Variants in IRAG2 observed in about 807,000 individuals in gnomAD.
The protein encoded by IRAG2 is inositol 1,4,5-triphosphate receptor associated 2.
Under a neutral mutation model 69.9 loss-of-function variants are expected in IRAG2, and 45 were observed. The ratio of observed to expected loss-of-function variants is 0.64; its 90% CI spans 0.51 to 0.83. IRAG2 has a LOEUF of 0.83. IRAG2 is among the 40% of genes least tolerant of loss of function. IRAG2 has a pLI of 0.00. For synonymous variants in IRAG2, 193 were observed against 202.4 expected (o/e 0.95, Z 0.40); for missense variants, 520 against 587.0 (o/e 0.89, Z 1.18).
chr12:25,075,891 A>G (rs1486344474), intron 6 of IRAG2: 2 of 151,854 alleles, frequency 1.3e-5, no homozygotes, highest in Non-Finnish European at 2.9e-5. Flanking sequence ...CTTTCTCATG[A>G]TCTGTCCAGG....
At chr12:25,004,598 T>C (rs1944416826) in exon 1 of IRAG2, 2 of 1,232,136 alleles carry the variant, frequency 1.6e-6, no homozygotes, top group East Asian at 3.2e-5. Context: ...GATGCCTTCA[T>C]TTCATCGCCT....
intron 12 of IRAG2, among the ~76,000 whole-genome samples, chr12:25,033,407 T>C (rs1944683060): frequency 6.6e-6 from 1 of 152,202 alleles, no homozygotes; most frequent in Non-Finnish European, 1.5e-5. Context: ...TGAGTAAAGC[T>C]AATGGAATAT....
exon 1 of IRAG2, chr12:25,004,558 G>A (rs1944416594): frequency 1.6e-5 from 20 of 1,231,968 alleles, no homozygotes; most frequent in Non-Finnish European, 1.8e-5. Context: ...TCCTACGCCC[G>A]GCTCTCATTG....
At chr12:25,065,470 A>G (rs1312176661) in intron 4 of IRAG2, among the ~76,000 whole-genome samples, 1 of 152,178 alleles carries the variant, frequency 6.6e-6, no homozygotes, top group African/African-American at 2.4e-5. Flanking sequence ...CTAATAAATG[A>G]TTTGTGATCT....
At chr12:25,066,290 G>C (rs1293323153) in intron 4 of IRAG2, 75 bp from the exon 5 acceptor site, 1 of 399,138 alleles carries the variant, frequency 2.5e-6, no homozygotes, top group Non-Finnish European at 4.4e-6. Context: ...CTCTCAAGAA[G>C]GAAAGACTTT....
In IRAG2 at chr12:25,107,796, CTATT is replaced by C; in HGVS notation, c.1257-19_1257-16del. The C allele has an allele frequency of 6.3e-7, 1 of 1,599,408 alleles. No individual in the cohort carries two copies. The stretch of plus-strand genomic sequence containing the variant: ...ATGACAAATTACCGATTACCAAATT[CTATT>C]TGTGTTTTCCTTATAGTTATGACAC... On this transcript the variant is annotated splice_polypyrimidine_tract_variant and intron_variant, in intron 21 of 21. Transcript: ENST00000556887.
chr12:25,032,194 T>C (rs931692960), exon 11 of IRAG2: 1 of 398,916 alleles, frequency 2.5e-6, no homozygotes, highest in Non-Finnish European at 4.4e-6. Context: ...TATGGAAGCA[T>C]TATAGAGGTA....
intron 9 of IRAG2, among the ~76,000 whole-genome samples, chr12:25,080,883 G>A (rs1320847893): frequency 6.6e-6 from 1 of 152,082 alleles, no homozygotes; most frequent in Non-Finnish European, 1.5e-5. Flanking sequence ...ACACTCTGTT[G>A]GTAAAGTTGT....
At chr12:25,057,226 AG>A (rs1196481299) in intron 1 of IRAG2, among the ~76,000 whole-genome samples, 1 of 144,510 alleles carries the variant, frequency 6.9e-6, no homozygotes, top group Non-Finnish European at 1.5e-5. Flanking sequence ...ACAGATAGGT[AG>A]GTAGGTAGGT....
At chr12:25,027,678 G>A (rs1565529384) in intron 9 of IRAG2, among the ~76,000 whole-genome samples, 1 of 152,116 alleles carries the variant, frequency 6.6e-6, no homozygotes, top group East Asian at 1.9e-4. Flanking sequence ...ACGGGCATGA[G>A]CCACTGCACC....
chr12:25,089,734 T>C lies in IRAG2; in HGVS notation c.438-29T>C, dbSNP rs368052742. The C allele has an allele frequency of 1.9e-6, 3 of 1,612,894 alleles. No individual in the cohort carries two copies. The African/African-American group carries it at 4.0e-5, about 22-fold the overall frequency. ...GTTTTATTTTTCTGTTGGATTATGT[T>C]TAAATATGTTTTTTGTCTTATCCTA... is the stretch of plus-strand genomic sequence containing the variant. On this transcript the variant is annotated intron_variant, in intron 12 of 21. Coordinates refer to ENST00000556887, the MANE Select transcript of IRAG2 (RefSeq NM_001366544.2).
chr12:25,023,891 G>A lies in IRAG2; in HGVS notation c.1353G>A (p.Leu451=), dbSNP rs550934262. 71 of 1,228,220 alleles carry A rather than the reference G, an allele frequency of 5.8e-5. No homozygotes were observed. In the African/African-American group the frequency reaches 1.1e-3, roughly 19 times the overall value. The allele number at this position is 1,228,220 out of a possible 1,614,324, so 76.1% of individuals were successfully genotyped here. A position where few individuals can be genotyped will look rare whatever the true frequency, so the allele number is the denominator to read the frequency against. ...ATTAGGAGACAGAAAACCGGGCTCTGATTCTTAAGATTCGGATTCTACAGG... is the reference window on the plus strand; with the variant it reads ...ATTAGGAGACAGAAAACCGGGCTCTAATTCTTAAGATTCGGATTCTACAGG... The change falls in exon 8 of 39, where the codon CTG becomes CTA. Residue 451 remains leucine, a synonymous_variant. Coordinates refer to the IRAG2 transcript ENST00000636465.
At chr12:25,008,981 C>T (rs61912233) in intron 2 of IRAG2, among the ~76,000 whole-genome samples, 2,416 of 152,186 alleles carry the variant, frequency 0.016, 32 homozygotes, top group Middle Eastern at 0.027. Flanking sequence ...CAATCCATGT[C>T]AATTGGATAT....
intron 6 of IRAG2, among the ~76,000 whole-genome samples, chr12:25,018,761 G>T (rs1236011869): frequency 1.3e-5 from 2 of 152,222 alleles, no homozygotes; most frequent in African/African-American, 2.4e-5. Context: ...AAATATATCA[G>T]AAAGGAATTA....
rs540974070 is a variant in IRAG2, at chr12:25,060,931, G to T, written c.-446-661G>T. The stretch of plus-strand genomic sequence containing the variant: ...GATCCACCCACCTTGGTCTCTCAAA[G>T]AGCTGAAATTAGAGGTGTGAGCCAC... On this transcript the variant is annotated intron_variant, in intron 1 of 21. Coordinates refer to ENST00000556887, the MANE Select transcript of IRAG2 (RefSeq NM_001366544.2). Among the ~76,000 whole-genome samples the T allele has an allele frequency of 5.9e-5, 9 of 152,076 alleles. No individual in the cohort carries two copies. The South Asian group carries it at 1.9e-3, about 32-fold the overall frequency.
chr12:25,077,084 G>T (rs1352051553), intron 6 of IRAG2, among the ~76,000 whole-genome samples: 1 of 148,746 alleles, frequency 6.7e-6, no homozygotes, highest in Non-Finnish European at 1.5e-5. Flanking sequence ...GCTCATGTTG[G>T]TCTCAAACTC....
At chr12:25,067,954 C>T (rs575131329) in intron 5 of IRAG2, among the ~76,000 whole-genome samples, 2 of 152,274 alleles carry the variant, frequency 1.3e-5, no homozygotes, top group African/African-American at 4.8e-5. Flanking sequence ...AATCCTCCTG[C>T]CTCAGTCTCC....
At chr12:25,015,157 T>C in intron 3 of IRAG2, 1 of 497,040 alleles carries the variant, frequency 2.0e-6, no homozygotes, top group Non-Finnish European at 2.4e-6. Flanking sequence ...CTGGTTTTGT[T>C]TTTTTTTTTT....
At chr12:25,022,355 G>A (rs766078427) in intron 7 of IRAG2, among the ~76,000 whole-genome samples, 7 of 152,094 alleles carry the variant, frequency 4.6e-5, no homozygotes, top group Non-Finnish European at 7.4e-5. Flanking sequence ...TTAGCCAGGC[G>A]TGGTGACACA....
Sources: gnomAD v4.1 joint callset for allele counts (sites outside exome capture counted in the v4.1 genomes callset) on GRCh38, gnomAD v4.1.1 for gene constraint, MANE v1.5 for transcripts, NCBI Gene and HGNC (gene_info 2026-07-23, HGNC 2026-07-21) for gene names.